The following SCNN1B variants were observed in gnomAD, a reference collection of about 807,000 sequenced individuals.
SCNN1B encodes sodium channel epithelial 1 subunit beta.
SCNN1B carries 46 observed loss-of-function variants against 65.3 expected under a neutral mutation model. The ratio of observed to expected loss-of-function variants is 0.70; its 90% CI spans 0.56 to 0.90. The LOEUF is 0.90. Ranked by LOEUF, SCNN1B falls within the 40% of genes least tolerant of loss-of-function variation. The pLI, the probability that SCNN1B is intolerant of heterozygous loss-of-function variation, is 0.00. For missense variants in SCNN1B, 751 were observed against 830.5 expected, an observed-to-expected ratio of 0.90 and a Z score of 1.18; for synonymous variants, 349 against 330.6, an observed-to-expected ratio of 1.06 and a Z score of -0.60.
chr16:23,310,734 A>G (rs1172097040), intron 1 of SCNN1B, among the ~76,000 whole-genome samples: 2 of 152,264 alleles, frequency 1.3e-5, no homozygotes, highest in Non-Finnish European at 2.9e-5. Context: ...CCAAAAAGTT[A>G]AAGAGCAAAG....
intron 2 of SCNN1B, among the ~76,000 whole-genome samples, chr16:23,292,501 C>T (rs547036355): frequency 6.7e-6 from 1 of 149,896 alleles, no homozygotes; most frequent in African/African-American, 2.5e-5. Flanking sequence ...TTGGCCAATC[C>T]CTTTTACTTT....
At chr16:23,374,268 G>GAAAAAAA (rs1223701346) in intron 7 of SCNN1B, among the ~76,000 whole-genome samples, 1,143 of 60,394 alleles carry the variant, frequency 0.019, 86 homozygotes, top group African/African-American at 0.027. Context: ...CCTGTCTCAG[G>GAAAAAAA]AAAAAAAAAA....
At chr16:23,368,058 G>T in intron 5 of SCNN1B, 99 bp downstream of exon 5, 2 of 956,570 alleles carry the variant, frequency 2.1e-6, no homozygotes, top group South Asian at 1.3e-5. Flanking sequence ...TGGGACTGAG[G>T]GGGGACCAAG....
At chr16:23,291,913 T>C (rs938266061) in intron 2 of SCNN1B, among the ~76,000 whole-genome samples, 1 of 151,954 alleles carries the variant, frequency 6.6e-6, no homozygotes, top group Non-Finnish European at 1.5e-5. Flanking sequence ...TAAATATATA[T>C]ACCCATTTAA....
chr16:23,319,099 G>A (rs1203284481), intron 1 of SCNN1B, among the ~76,000 whole-genome samples: 1 of 151,258 alleles, frequency 6.6e-6, no homozygotes, highest in Non-Finnish European at 1.5e-5. Flanking sequence ...GGAGTGCAGT[G>A]GCGCGATCTC....
At chr16:23,327,961 T>C (rs1279229335) in intron 1 of SCNN1B, among the ~76,000 whole-genome samples, 1 of 152,216 alleles carries the variant, frequency 6.6e-6, no homozygotes, top group Non-Finnish European at 1.5e-5. Context: ...TGTGTCAGGC[T>C]GCTGGGATGG....
At chr16:23,343,754 T>G (rs1398334400) in intron 1 of SCNN1B, among the ~76,000 whole-genome samples, 1 of 152,178 alleles carries the variant, frequency 6.6e-6, no homozygotes, top group African/African-American at 2.4e-5. Context: ...TCAGGGCCAA[T>G]GTATAGTCAG....
At chr16:23,351,925 A>G (rs971966171) in intron 2 of SCNN1B, among the ~76,000 whole-genome samples, 13 of 152,182 alleles carry the variant, frequency 8.5e-5, no homozygotes, top group African/African-American at 2.4e-4. Flanking sequence ...GGAGCCCACC[A>G]AACCCAGATT....
chr16:23,321,641 A>G (rs1381257217), intron 1 of SCNN1B, among the ~76,000 whole-genome samples: 1 of 152,204 alleles, frequency 6.6e-6, no homozygotes, highest in Non-Finnish European at 1.5e-5. Flanking sequence ...CATTGACTCA[A>G]GGATTAAATG....
intron 1 of SCNN1B, among the ~76,000 whole-genome samples, chr16:23,321,851 T>C (rs986821261): frequency 1.3e-5 from 2 of 152,026 alleles, no homozygotes; most frequent in African/African-American, 4.8e-5. Flanking sequence ...GGCAAAACCC[T>C]GCCTCTACAG....
chr16:23,295,735 C>T (rs1328237807), intron 2 of SCNN1B, among the ~76,000 whole-genome samples: 1 of 152,056 alleles, frequency 6.6e-6, no homozygotes, highest in Non-Finnish European at 1.5e-5. Flanking sequence ...TTCATTTCAC[C>T]CCTGCACGTT....
intron 1 of SCNN1B, among the ~76,000 whole-genome samples, chr16:23,315,432 C>T (rs568725298): frequency 2.6e-5 from 4 of 152,276 alleles, no homozygotes; most frequent in South Asian, 2.1e-4. Context: ...TAATAAACTG[C>T]GATGCCATGA....
At chr16:23,321,872 A>G (rs1961595857) in intron 1 of SCNN1B, among the ~76,000 whole-genome samples, 1 of 152,024 alleles carries the variant, frequency 6.6e-6, no homozygotes, top group Non-Finnish European at 1.5e-5. Context: ...AAAAAATACA[A>G]TAATTAGCTG....
chr16:23,281,532 A>G (rs140749723), intron 1 of SCNN1B, among the ~76,000 whole-genome samples: 3 of 152,338 alleles, frequency 2.0e-5, no homozygotes, highest in Non-Finnish European at 2.9e-5. Flanking sequence ...GGCACAGAGA[A>G]AGAAGTCCCT....
At chr16:23,324,328 C>T (rs905391035) in intron 1 of SCNN1B, among the ~76,000 whole-genome samples, 6 of 151,992 alleles carry the variant, frequency 3.9e-5, no homozygotes, top group African/African-American at 1.5e-4. Flanking sequence ...GCTGGGACCA[C>T]AGGCATGCAC....
chr16:23,327,179 A>G (rs1961714563), intron 1 of SCNN1B, among the ~76,000 whole-genome samples: 1 of 152,102 alleles, frequency 6.6e-6, no homozygotes, highest in African/African-American at 2.4e-5. Context: ...GACCTCTCAA[A>G]GTGCTGGGAT....
intron 6 of SCNN1B, 134 bp from the exon 7 acceptor site, chr16:23,371,642 G>A (rs958730804): frequency 9.2e-6 from 9 of 979,864 alleles, no homozygotes; most frequent in Admixed American, 3.9e-5. Flanking sequence ...GCCCTCTGGC[G>A]CCCCCTCTGG....
intron 1 of SCNN1B, among the ~76,000 whole-genome samples, chr16:23,343,611 GAA>G (rs1339082196): frequency 9.6e-6 from 1 of 104,436 alleles, no homozygotes; most frequent in Non-Finnish European, 1.9e-5. Flanking sequence ...AAGAAAGAAA[GAA>G]AGAAAGAAAG....
At chr16:23,362,787 A>G (rs1320280341) in intron 4 of SCNN1B, among the ~76,000 whole-genome samples, 1 of 152,240 alleles carries the variant, frequency 6.6e-6, no homozygotes, top group Non-Finnish European at 1.5e-5. Context: ...TTCCTTGGGA[A>G]CACTGTGTCC....
Sources: gnomAD v4.1 joint callset for allele counts (sites outside exome capture counted in the v4.1 genomes callset) on GRCh38, gnomAD v4.1.1 for gene constraint, MANE v1.5 for transcripts, NCBI Gene and HGNC (gene_info 2026-07-23, HGNC 2026-07-21) for gene names.